Variants in PPFIA2 observed in about 807,000 individuals in gnomAD.
PPFIA2 encodes the protein liprin-alpha-2.
Under a neutral mutation model 175.5 loss-of-function variants are expected in PPFIA2, and 46 were observed. The ratio of observed to expected loss-of-function variants is 0.26; its 90% CI spans 0.21 to 0.34. PPFIA2 has a LOEUF of 0.34. Among genes scored for constraint, PPFIA2 ranks in the 10% least tolerant of loss-of-function variants. The probability of loss-of-function intolerance (pLI) is 1.00; values close to 1 mark genes in which losing one functional copy is unlikely to be tolerated. For synonymous variants in PPFIA2, 568 were observed against 511.4 expected, an observed-to-expected ratio of 1.11 and a Z score of -1.49; for missense variants, 1,179 against 1,506.1, an observed-to-expected ratio of 0.78 and a Z score of 3.60.
At chr12:81,383,354 G>A (rs2038183381) in intron 9 of PPFIA2, among the ~76,000 whole-genome samples, 1 of 152,052 alleles carries the variant, frequency 6.6e-6, no homozygotes, top group South Asian at 2.1e-4. Flanking sequence ...GACTGAAAAG[G>A]TGAAAAAGTG....
chr12:81,540,443 G>A (rs1205935743), intron 4 of PPFIA2, among the ~76,000 whole-genome samples: 6 of 151,904 alleles, frequency 3.9e-5, no homozygotes, highest in African/African-American at 1.4e-4. Flanking sequence ...CACAAAGGCT[G>A]GGCTTGGTCT....
intron 3 of PPFIA2, among the ~76,000 whole-genome samples, chr12:81,733,713 C>T (rs1236395640): frequency 1.3e-5 from 2 of 151,664 alleles, no homozygotes; most frequent in African/African-American, 4.8e-5. Context: ...GAGTTCTTTG[C>T]TCTTATTCAT....
chr12:81,622,332 A>C (rs983279509), intron 4 of PPFIA2, among the ~76,000 whole-genome samples: 4 of 152,218 alleles, frequency 2.6e-5, no homozygotes, highest in African/African-American at 9.6e-5. Flanking sequence ...CAATACCCCA[A>C]ATCATTTGGA....
chr12:81,502,820 AATTT>A (rs1291715046), intron 4 of PPFIA2, among the ~76,000 whole-genome samples: 1 of 152,156 alleles, frequency 6.6e-6, no homozygotes, highest in African/African-American at 2.4e-5. Flanking sequence ...AAGTTAATCT[AATTT>A]ATTTGTAATC....
intron 2 of PPFIA2, among the ~76,000 whole-genome samples, chr12:81,756,506 A>G (rs2084687870): frequency 2.0e-5 from 3 of 152,116 alleles, no homozygotes; most frequent in African/African-American, 7.2e-5. Flanking sequence ...TAGTCAAAAG[A>G]TGCTATGATG....
chr12:81,756,065 T>C (rs1386902014), intron 2 of PPFIA2, among the ~76,000 whole-genome samples: 1 of 152,170 alleles, frequency 6.6e-6, no homozygotes, highest in Non-Finnish European at 1.5e-5. Context: ...CATTTGATTA[T>C]TTAAAACGAT....
At chr12:81,585,210 G>C (rs2075140694) in intron 4 of PPFIA2, among the ~76,000 whole-genome samples, 1 of 149,736 alleles carries the variant, frequency 6.7e-6, no homozygotes, top group African/African-American at 2.4e-5. Context: ...TGGTGAGTGA[G>C]TGGTTGGTGA....
intron 29 of PPFIA2, chr12:81,267,250 G>A: frequency 1.7e-6 from 1 of 573,754 alleles, no homozygotes; most frequent in South Asian, 1.6e-5. Context: ...ATAAACATCT[G>A]AGGTCAAGAG....
intron 4 of PPFIA2, among the ~76,000 whole-genome samples, chr12:81,628,609 C>T (rs1015242356): frequency 1.3e-5 from 2 of 152,124 alleles, no homozygotes; most frequent in Non-Finnish European, 2.9e-5. Context: ...GAACTCCTGA[C>T]CTCAAGTGTT....
intron 24 of PPFIA2, among the ~76,000 whole-genome samples, chr12:81,289,575 G>A (rs555802497): frequency 6.6e-6 from 1 of 151,724 alleles, no homozygotes; most frequent in Admixed American, 6.6e-5. Flanking sequence ...TCAAAGTCTG[G>A]GGAAGGCATT....
At chr12:81,512,922 C>T (rs915248644) in intron 4 of PPFIA2, among the ~76,000 whole-genome samples, 1 of 152,052 alleles carries the variant, frequency 6.6e-6, no homozygotes, top group East Asian at 1.9e-4. Flanking sequence ...AAGTAAAAAG[C>T]TTCTGAACAG....
intron 8 of PPFIA2, among the ~76,000 whole-genome samples, chr12:81,386,162 T>C (rs1314898827): frequency 1.3e-5 from 2 of 150,722 alleles, no homozygotes; most frequent in African/African-American, 2.4e-5. Context: ...CCTGTAGTGC[T>C]AGCTGCTCAA....
At chr12:81,732,479 T>C (rs1432055308) in intron 3 of PPFIA2, among the ~76,000 whole-genome samples, 3 of 141,914 alleles carry the variant, frequency 2.1e-5, no homozygotes, top group Admixed American at 7.3e-5. Flanking sequence ...TTCCTGATTA[T>C]ACCAAATAAA....
chr12:81,518,436 C>T (rs984715037), intron 4 of PPFIA2, among the ~76,000 whole-genome samples: 3 of 152,138 alleles, frequency 2.0e-5, no homozygotes, highest in Admixed American at 1.3e-4. Flanking sequence ...TTCTTCAAAG[C>T]TAGGAGTACC....
At chr12:81,446,619 G>A (rs538700769) in intron 5 of PPFIA2, among the ~76,000 whole-genome samples, 2 of 152,188 alleles carry the variant, frequency 1.3e-5, no homozygotes, top group African/African-American at 4.8e-5. Flanking sequence ...AAAGGTCTTC[G>A]GAAGCATAGT....
chr12:81,651,065 T>C (rs1054881808), intron 4 of PPFIA2, among the ~76,000 whole-genome samples: 14 of 152,224 alleles, frequency 9.2e-5, no homozygotes, highest in African/African-American at 3.4e-4. Flanking sequence ...GAGGGAATCA[T>C]AGTTGAGAGA....
intron 3 of PPFIA2, among the ~76,000 whole-genome samples, chr12:81,720,596 C>T (rs2079186750): frequency 6.6e-6 from 1 of 151,248 alleles, no homozygotes; most frequent in African/African-American, 2.4e-5. Flanking sequence ...AAGGTATGGC[C>T]CTGTGACTCA....
chr12:81,517,241 T>C (rs1056239559), intron 4 of PPFIA2, among the ~76,000 whole-genome samples: 2 of 151,462 alleles, frequency 1.3e-5, no homozygotes, highest in Non-Finnish European at 2.9e-5. Context: ...GATGATTAAA[T>C]AGACTTTAAG....
intron 4 of PPFIA2, among the ~76,000 whole-genome samples, chr12:81,659,124 G>A (rs567144275): frequency 5.3e-4 from 81 of 152,262 alleles, no homozygotes; most frequent in African/African-American, 1.9e-3. Context: ...CCAGTCTACA[G>A]CTCCCAGCAT....
Sources: gnomAD v4.1 joint callset for allele counts (sites outside exome capture counted in the v4.1 genomes callset) on GRCh38, gnomAD v4.1.1 for gene constraint, MANE v1.5 for transcripts, NCBI Gene and HGNC (gene_info 2026-07-23, HGNC 2026-07-21) for gene names.